The following NOL12 variants were observed in gnomAD, a reference collection of about 807,000 sequenced individuals.
NOL12 encodes nucleolar protein 12.
Under a neutral mutation model 25.2 loss-of-function variants are expected in NOL12, and 21 were observed. That is an observed-to-expected ratio of 0.83 (90% confidence interval 0.59 to 1.20). NOL12 has a LOEUF of 1.20. Among genes scored for constraint, NOL12 ranks in the 50% most tolerant of loss-of-function variants. NOL12 has a pLI of 0.00. For missense variants in NOL12, 286 were observed against 287.6 expected (o/e 0.99, Z 0.04); for synonymous variants, 133 against 113.8 (o/e 1.17, Z -1.08).
chr22:37,690,815 TC>T, intron 5 of NOL12, 21 bp downstream of exon 5: 1 of 1,560,736 alleles, frequency 6.4e-7, no homozygotes, highest in Admixed American at 1.7e-5. Flanking sequence ...GCCTGCTGCC[TC>T]CCCGGTCCCA....
Position 37,691,242 on chromosome 22 carries a change from G to T in NOL12, c.548G>T (p.Arg183Leu), listed in dbSNP as rs371438425. ...RKKVKRKHPR[R>L]AQDSKKPPRA... ...AAGGTCAAGAGGAAACATCCCCGACGGGCCCAGGACTCCAAAAAGCCCCCA... is the reference window on the plus strand; with the variant it reads ...AAGGTCAAGAGGAAACATCCCCGACTGGCCCAGGACTCCAAAAAGCCCCCA... Residue 183 changes from arginine (R) to leucine (L), a missense_variant, in exon 6 of 6, where the codon CGG becomes CTG. By Grantham distance (102) the Arg-to-Leu change is moderately radical (BLOSUM62 -2). Transcript: ENST00000359114. 20 of 1,613,918 alleles carry T rather than the reference G, an allele frequency of 1.2e-5. No individual in the cohort carries two copies. Among genetic ancestry groups the T allele is most frequent in the Non-Finnish European group, 1.6e-5 (19 of 1,179,974 alleles).
At chr22:37,686,593 G>A in intron 1 of NOL12, 118 bp downstream of exon 1, 1 of 1,390,364 alleles carries the variant, frequency 7.2e-7, no homozygotes. Flanking sequence ...GGCGTGGCTA[G>A]AGAACCCCTC....
At chr22:37,686,679 C>T (rs1921830461) in intron 1 of NOL12, 3 of 985,462 alleles carry the variant, frequency 3.0e-6, no homozygotes, top group Non-Finnish European at 2.4e-6. Flanking sequence ...CCCACCTCGC[C>T]TAGTGTCTGT....
At position 37,690,689 on chromosome 22, in the gene NOL12, C is replaced by A; in HGVS notation, c.382-8C>A. 6.2e-7 allele frequency: 1 copy of A among 1,607,892 alleles called. No individual in the cohort carries two copies. Among genetic ancestry groups the A allele is most frequent in the Non-Finnish European group, 8.5e-7 (1 of 1,175,128 alleles). Reference sequence around the variant, plus strand: ...CTCCATGTAAGTCATTGTCTTGTGCCTCTTTAGGGAGGGGCTGGAGACAGG... The same window carrying A: ...CTCCATGTAAGTCATTGTCTTGTGCATCTTTAGGGAGGGGCTGGAGACAGG... On this transcript the variant is annotated splice_polypyrimidine_tract_variant and splice_region_variant and intron_variant, in intron 4 of 5. Transcript: ENST00000359114.
At chr22:37,688,219 A>G in intron 2 of NOL12, 93 bp from the exon 3 acceptor site, 1 of 1,394,030 alleles carries the variant, frequency 7.2e-7, no homozygotes. Context: ...AGTATGGATC[A>G]TGGTCTCCCT....
In NOL12 at chr22:37,688,906, GA is replaced by G; in HGVS notation, c.296del (p.Asp99AlafsTer9). 3 of 1,613,994 alleles carry G rather than the reference GA, an allele frequency of 1.9e-6. No homozygotes were observed. The African/African-American group carries it at 4.0e-5, about 22-fold the overall frequency. On this transcript the variant is annotated frameshift_variant, in exon 4 of 6. Coordinates refer to ENST00000359114, the MANE Select transcript of NOL12 (RefSeq NM_024313.3). LOFTEE classifies it high-confidence loss of function. ...AGCAAAGACGGAGTCGGTGCAGTATGACCACCCCAACCACACAGTCACCGTG... is the reference window on the plus strand; with the variant it reads ...AGCAAAGACGGAGTCGGTGCAGTATGCCACCCCAACCACACAGTCACCGTG... ...VTAKTESVQY[D>X]HPNHTVTVTT... is the part of the protein sequence containing the mutation.
At chr22:37,686,554 C>A in intron 1 of NOL12, 79 bp downstream of exon 1, 2 of 1,434,390 alleles carry the variant, frequency 1.4e-6, no homozygotes, top group Admixed American at 3.4e-5. Context: ...AGCACGCTCC[C>A]GCCGGGGGCT....
At chr22:37,689,305 TG>T (rs972180606) in intron 4 of NOL12, among the ~76,000 whole-genome samples, 1 of 152,176 alleles carries the variant, frequency 6.6e-6, no homozygotes, top group African/African-American at 2.4e-5. Context: ...ATCAGTGAAC[TG>T]GGGGTTGCTG....
rs937537704 is a variant in NOL12 at position 37,691,425 on chromosome 22, G to A, written c.*89G>A. The A allele has an allele frequency of 3.5e-6, 5 of 1,408,496 alleles. No individual in the cohort carries two copies. The African/African-American group carries it at 7.2e-5, about 20-fold the overall frequency. The allele number at this position is 1,408,496 out of a possible 1,614,324, so 87.2% of individuals were successfully genotyped here. A position where few individuals can be genotyped will look rare whatever the true frequency, so the allele number is the denominator to read the frequency against. On this transcript the variant is annotated 3_prime_UTR_variant, in exon 6 of 6. Coordinates refer to ENST00000359114, the MANE Select transcript of NOL12 (RefSeq NM_024313.3). ...TCCCTGTAGCCCAGCCTGCACCTAG[G>A]TAATGACTGCACAGCTCAAGGTTGG...
intron 4 of NOL12, 100 bp downstream of exon 4, chr22:37,689,092 G>A (rs1601606934): frequency 1.4e-6 from 2 of 1,417,408 alleles, no homozygotes; most frequent in East Asian, 2.3e-5. Flanking sequence ...CCCACTGCCA[G>A]CCCTGGGAAG....
In NOL12 at chr22:37,691,557, C is replaced by G. The variant is rs907688484; in HGVS notation, c.*221C>G. The G allele has an allele frequency of 1.1e-5, 6 of 527,342 alleles. No homozygotes were observed. The African/African-American group carries it at 1.2e-4, about 10-fold the overall frequency. The allele number at this position is 527,342 out of a possible 1,614,324, so 32.7% of individuals were successfully genotyped here. On this transcript the variant is annotated 3_prime_UTR_variant, in exon 6 of 6. Transcript: ENST00000359114. Reference sequence around the variant, plus strand: ...GAGCAGGCAGCTGAGAGCAGGCCTCCCCCAGGAAGAGCCTTCAGAGCCACG... The same window carrying G: ...GAGCAGGCAGCTGAGAGCAGGCCTCGCCCAGGAAGAGCCTTCAGAGCCACG...
In NOL12 at chr22:37,693,019, G is replaced by A. The variant is rs902520526; in HGVS notation, c.*1683G>A. 36 of 279,094 alleles carry A rather than the reference G, an allele frequency of 1.3e-4. No individual in the cohort carries two copies. The highest frequency in any genetic ancestry group is 1.9e-4 in the Non-Finnish European group (29 of 149,834). The allele number at this position is 279,094 out of a possible 1,614,324, so 17.3% of individuals were successfully genotyped here. A position where few individuals can be genotyped will look rare whatever the true frequency, so the allele number is the denominator to read the frequency against. On this transcript the variant is annotated 3_prime_UTR_variant, in exon 6 of 6. Transcript: ENST00000359114. Reference sequence around the variant, plus strand: ...TCCCTGCCACCAAGTTGTCTTCCCCGGGTGGCATGTGCCACTTGGCTGCCT... The same window carrying A: ...TCCCTGCCACCAAGTTGTCTTCCCCAGGTGGCATGTGCCACTTGGCTGCCT...
intron 1 of NOL12, 39 bp downstream of exon 1, chr22:37,686,514 T>C (rs1921821669): frequency 5.8e-6 from 9 of 1,547,370 alleles, no homozygotes; most frequent in Non-Finnish European, 7.8e-6. Context: ...CTCGAGCTGT[T>C]CTTCGCGGCC....
Position 37,688,373 on chromosome 22 carries a change from C to T in NOL12, c.238+13C>T, listed in dbSNP as rs776453390. On this transcript the variant is annotated intron_variant, in intron 3 of 5. Transcript: ENST00000359114. ...GAAGAGGCTCTGGGTAAGTGGCATG[C>T]TTGGCCTGACCTGGAGAACAGCTGA... 6.2e-7 allele frequency: 1 copy of T among 1,613,906 alleles called. No individual in the cohort carries two copies. Among genetic ancestry groups the T allele is most frequent in the Non-Finnish European group, 8.5e-7 (1 of 1,179,788 alleles).
In NOL12 at chr22:37,688,941, C is replaced by T; in HGVS notation, c.330C>T (p.Ile110=). The stretch of plus-strand genomic sequence containing the variant: ...ACCACACAGTCACCGTGACCACCAT[C>T]AGTGACCTGGACCTCTCGGGGGCCC... The part of the protein sequence containing the change: ...HPNHTVTVTT[I]SDLDLSGARL... Residue 110 remains isoleucine, a synonymous_variant, in exon 4 of 6, where the codon ATC becomes ATT. Transcript: ENST00000359114. 6.2e-7 allele frequency: 1 copy of T among 1,613,970 alleles called. No individual in the cohort carries two copies. Among genetic ancestry groups the T allele is most frequent in the Non-Finnish European group, 8.5e-7 (1 of 1,180,006 alleles).
chr22:37,689,695 G>A (rs1921982206), intron 4 of NOL12, among the ~76,000 whole-genome samples: 1 of 152,198 alleles, frequency 6.6e-6, no homozygotes, highest in African/African-American at 2.4e-5. Context: ...GTGGGTTACT[G>A]TGTTCTTAAG....
At chr22:37,691,119 G>A (rs1005867117) in intron 5 of NOL12, 55 bp from the exon 6 acceptor site, 10 of 1,540,118 alleles carry the variant, frequency 6.5e-6, no homozygotes, top group African/African-American at 4.1e-5. Flanking sequence ...CGTGAGCCAG[G>A]TGGTGAGTCA....
At chr22:37,687,045 G>A (rs1336781630) in intron 1 of NOL12, 20 of 985,436 alleles carry the variant, frequency 2.0e-5, no homozygotes, top group East Asian at 1.1e-4. Flanking sequence ...TAGACCGAGG[G>A]AAGGAGGTAG....
intron 3 of NOL12, 136 bp from the exon 4 acceptor site, chr22:37,688,714 C>A: frequency 2.4e-6 from 2 of 824,514 alleles, no homozygotes; most frequent in Non-Finnish European, 4.0e-6. Flanking sequence ...ACAGACCAGG[C>A]TCTACAGCCA....
Sources: gnomAD v4.1 joint callset for allele counts (sites outside exome capture counted in the v4.1 genomes callset) on GRCh38, gnomAD v4.1.1 for gene constraint, MANE v1.5 for transcripts, NCBI Gene and HGNC (gene_info 2026-07-23, HGNC 2026-07-21) for gene names.